Variants in ZFAND3 observed in about 807,000 individuals in gnomAD.
ZFAND3 encodes the protein zinc finger AN1-type containing 3, also known as AN1-type zinc finger protein 3.
ZFAND3 carries 10 observed loss-of-function variants against 29.6 expected under a neutral mutation model. That is an observed-to-expected ratio of 0.34 (90% CI 0.21 to 0.57). ZFAND3 has a LOEUF of 0.57. Among genes scored for constraint, ZFAND3 ranks in the 20% least tolerant of loss-of-function variants. The pLI, the probability that ZFAND3 is intolerant of heterozygous loss-of-function variation, is 0.86. For missense variants in ZFAND3, 230 were observed against 304.5 expected (o/e 0.76, Z 1.82); for synonymous variants, 128 against 112.6 (o/e 1.14, Z -0.87).
chr6:38,002,700 C>T (rs896120377), intron 2 of ZFAND3: 3 of 151,954 alleles, frequency 2.0e-5, no homozygotes, highest in Admixed American at 6.6e-5. Flanking sequence ...AATAAAACAC[C>T]CTATGATAGT....
intron 1 of ZFAND3, among the ~76,000 whole-genome samples, chr6:37,829,373 T>C (rs1186174189): frequency 6.6e-6 from 1 of 152,018 alleles, no homozygotes; most frequent in Non-Finnish European, 1.5e-5. Context: ...CCATCTCTAC[T>C]GAAAATACAG....
intron 1 of ZFAND3, among the ~76,000 whole-genome samples, chr6:37,904,285 G>C (rs1284069042): frequency 6.6e-6 from 1 of 152,134 alleles, no homozygotes; most frequent in Non-Finnish European, 1.5e-5. Flanking sequence ...CAGAAGTACC[G>C]TTTTAGAAGG....
intron 3 of ZFAND3, among the ~76,000 whole-genome samples, chr6:38,068,066 G>A (rs1355960268): frequency 6.6e-6 from 1 of 152,186 alleles, no homozygotes; most frequent in Admixed American, 6.5e-5. Flanking sequence ...TAAACTAGCA[G>A]TTAGAGAGTA....
intron 1 of ZFAND3, among the ~76,000 whole-genome samples, chr6:37,892,058 G>A (rs1765115325): frequency 6.6e-6 from 1 of 152,024 alleles, no homozygotes; most frequent in African/African-American, 2.4e-5. Flanking sequence ...AGGGCACATG[G>A]GACAGTCTCC....
At chr6:37,873,933 CAT>C (rs1581725639) in intron 1 of ZFAND3, among the ~76,000 whole-genome samples, 3 of 152,284 alleles carry the variant, frequency 2.0e-5, no homozygotes, top group African/African-American at 2.4e-5. Context: ...CTCAGAATAA[CAT>C]ATTTTTTTTA....
chr6:37,852,912 CAAAG>C (rs746702810), intron 1 of ZFAND3, among the ~76,000 whole-genome samples: 1 of 151,916 alleles, frequency 6.6e-6, no homozygotes, highest in Admixed American at 6.6e-5. Flanking sequence ...TTAAGTTTCT[CAAAG>C]GGTGTCCATT....
chr6:38,032,541 T>G (rs1011963191), intron 2 of ZFAND3, among the ~76,000 whole-genome samples: 3 of 152,242 alleles, frequency 2.0e-5, no homozygotes, highest in Admixed American at 1.3e-4. Context: ...AATAAAACTC[T>G]GAGCACCTAC....
chr6:38,080,680 C>T (rs1764644776), intron 3 of ZFAND3, among the ~76,000 whole-genome samples: 1 of 152,040 alleles, frequency 6.6e-6, no homozygotes, highest in Admixed American at 6.6e-5. Flanking sequence ...CTATACTTTT[C>T]CAGAAATAAG....
intron 2 of ZFAND3, among the ~76,000 whole-genome samples, chr6:38,011,014 C>G (rs1484483983): frequency 6.6e-6 from 1 of 151,580 alleles, no homozygotes; most frequent in Non-Finnish European, 1.5e-5. Flanking sequence ...AAGTAGCTGG[C>G]ACTTACAGGT....
chr6:37,822,046 G>A (rs1399699647), intron 1 of ZFAND3, among the ~76,000 whole-genome samples: 1 of 152,192 alleles, frequency 6.6e-6, no homozygotes, highest in Non-Finnish European at 1.5e-5. Context: ...TGTTGGCTAA[G>A]GTGGTCTCAA....
At chr6:38,105,887 A>T (rs1765197843) in intron 4 of ZFAND3, among the ~76,000 whole-genome samples, 1 of 152,220 alleles carries the variant, frequency 6.6e-6, no homozygotes, top group Admixed American at 6.5e-5. Flanking sequence ...ATATTAGGTA[A>T]ATAAGGCAAA....
intron 4 of ZFAND3, among the ~76,000 whole-genome samples, chr6:38,090,342 AT>A (rs977256478): frequency 3.2e-4 from 49 of 152,184 alleles, no homozygotes; most frequent in Admixed American, 2.6e-3. Flanking sequence ...TAAACCTTTC[AT>A]TTTTTATTAG....
chr6:37,918,555 A>C (rs1217860605), intron 1 of ZFAND3, among the ~76,000 whole-genome samples: 1 of 152,168 alleles, frequency 6.6e-6, no homozygotes, highest in African/African-American at 2.4e-5. Flanking sequence ...ATAATACTTT[A>C]GGTTACTTTT....
chr6:37,964,239 GTTACAGGTGCAT>G (rs1258252372), intron 2 of ZFAND3, among the ~76,000 whole-genome samples: 2 of 152,176 alleles, frequency 1.3e-5, no homozygotes, highest in African/African-American at 4.8e-5. Flanking sequence ...ATGCCTAGCT[GTTACAGGTGCAT>G]TTACCTAGGT....
chr6:37,872,774 C>CT (rs1764717217), intron 1 of ZFAND3, among the ~76,000 whole-genome samples: 2 of 152,314 alleles, frequency 1.3e-5, no homozygotes, highest in South Asian at 4.1e-4. Context: ...ATCCCTTCTA[C>CT]TGTTGATGGG....
intron 1 of ZFAND3, among the ~76,000 whole-genome samples, chr6:37,837,593 C>T (rs1763992735): frequency 1.3e-5 from 2 of 151,914 alleles, no homozygotes; most frequent in African/African-American, 2.4e-5. Flanking sequence ...CAACCTCTGC[C>T]TCCCAGGTTG....
intron 1 of ZFAND3, among the ~76,000 whole-genome samples, chr6:37,918,760 A>G (rs570356161): frequency 1.3e-5 from 2 of 152,256 alleles, no homozygotes; most frequent in East Asian, 1.9e-4. Flanking sequence ...TCTGAGCTCC[A>G]TAAATGTTGT....
chr6:38,001,357 T>G (rs1762945229), intron 2 of ZFAND3, among the ~76,000 whole-genome samples: 1 of 152,224 alleles, frequency 6.6e-6, no homozygotes, highest in African/African-American at 2.4e-5. Flanking sequence ...AGGCACAAGG[T>G]GCTCCTGAAA....
intron 2 of ZFAND3, among the ~76,000 whole-genome samples, chr6:37,959,012 C>T (rs1377253434): frequency 6.6e-6 from 1 of 152,164 alleles, no homozygotes; most frequent in Non-Finnish European, 1.5e-5. Flanking sequence ...TGGGTCATTA[C>T]CCATTTGTTG....
Sources: gnomAD v4.1 joint callset for allele counts (sites outside exome capture counted in the v4.1 genomes callset) on GRCh38, gnomAD v4.1.1 for gene constraint, MANE v1.5 for transcripts, NCBI Gene and HGNC (gene_info 2026-07-23, HGNC 2026-07-21) for gene names.